Variants in MECOM observed in about 807,000 individuals in gnomAD.
MECOM encodes histone-lysine N-methyltransferase MECOM.
A neutral mutation model predicts 116.3 loss-of-function variants in MECOM; 13 were observed. The observed-to-expected ratio is 0.11, with a 90% CI of 0.07 to 0.18. The LOEUF (loss-of-function observed/expected upper bound fraction) is 0.18. Among genes scored for constraint, MECOM ranks in the 10% least tolerant of loss-of-function variants. The probability of loss-of-function intolerance (pLI) is 1.00; values close to 1 mark genes in which losing one functional copy is unlikely to be tolerated. For missense variants in MECOM, 1,299 were observed against 1,509.0 expected (o/e 0.86, Z 2.31); for synonymous variants, 528 against 535.2 (o/e 0.99, Z 0.19).
intron 2 of MECOM, among the ~76,000 whole-genome samples, chr3:169,338,140 TC>T (rs202079426): frequency 0.032 from 4,855 of 152,250 alleles, 118 homozygotes; most frequent in Non-Finnish European, 0.049. Context: ...CCTTATAGAC[TC>T]CCTCAGGATC....
chr3:169,108,005 T>C, intron 9 of MECOM, 53 bp from the exon 10 acceptor site: 1 of 1,438,254 alleles, frequency 7.0e-7, no homozygotes, highest in East Asian at 2.3e-5. Context: ...TTGGTATCTT[T>C]ATTGCAATCT....
intron 1 of MECOM, among the ~76,000 whole-genome samples, chr3:169,413,907 C>T (rs547981113): frequency 6.6e-6 from 1 of 152,320 alleles, no homozygotes; most frequent in Non-Finnish European, 1.5e-5. Flanking sequence ...ATAGGTAAAA[C>T]TTCCATCTTC....
intron 2 of MECOM, among the ~76,000 whole-genome samples, chr3:169,151,939 A>G (rs1322968273): frequency 6.6e-6 from 1 of 152,232 alleles, no homozygotes; most frequent in Non-Finnish European, 1.5e-5. Flanking sequence ...AAACTTTGTA[A>G]TGAAGCATGA....
intron 2 of MECOM, among the ~76,000 whole-genome samples, chr3:169,183,070 A>G (rs1746185265): frequency 6.6e-6 from 1 of 152,192 alleles, no homozygotes; most frequent in Non-Finnish European, 1.5e-5. Flanking sequence ...TGAAGATTAT[A>G]CTGTAGTACT....
rs1044693365 is a variant in MECOM at position 169,146,747 on chromosome 3, C to G, written c.376-2915G>C. 17 of 1,194,018 alleles carry G rather than the reference C, an allele frequency of 1.4e-5. 1 individual carries two copies. In the South Asian group the frequency reaches 2.3e-4, roughly 16 times the overall value. The allele number at this position is 1,194,018 out of a possible 1,614,324, so 74.0% of individuals were successfully genotyped here. On this transcript the variant is annotated intron_variant, in intron 2 of 16. Coordinates refer to ENST00000651503, the MANE Select transcript of MECOM (RefSeq NM_004991.4). Reference sequence around the variant, plus strand: ...CCTTTAGATTTCTATGGCCTCAACTCAGCAATAATAGGCATTCACAGAAGA... The same window carrying G: ...CCTTTAGATTTCTATGGCCTCAACTGAGCAATAATAGGCATTCACAGAAGA...
intron 2 of MECOM, among the ~76,000 whole-genome samples, chr3:169,275,363 T>G (rs1188658387): frequency 1.3e-5 from 2 of 152,232 alleles, no homozygotes; most frequent in African/African-American, 4.8e-5. Context: ...GGGTTAGATA[T>G]TTATACACAT....
At chr3:169,273,188 C>G (rs185163378) in intron 2 of MECOM, among the ~76,000 whole-genome samples, 12 of 152,300 alleles carry the variant, frequency 7.9e-5, no homozygotes, top group Non-Finnish European at 1.0e-4. Context: ...TCTATAACAT[C>G]CCTTTGCCAC....
At chr3:169,171,493 G>A (rs905934356) in intron 2 of MECOM, among the ~76,000 whole-genome samples, 6 of 152,026 alleles carry the variant, frequency 3.9e-5, no homozygotes, top group Non-Finnish European at 8.8e-5. Context: ...TTATGACAGA[G>A]TTATAAAGCT....
At chr3:169,473,291 T>A (rs139065066) in intron 1 of MECOM, among the ~76,000 whole-genome samples, 69 of 152,098 alleles carry the variant, frequency 4.5e-4, no homozygotes, top group African/African-American at 1.5e-3. Context: ...TTCATCCTAA[T>A]CCACAGGCTA....
At chr3:169,367,394 AT>A (rs977454875) in intron 2 of MECOM, among the ~76,000 whole-genome samples, 7 of 151,548 alleles carry the variant, frequency 4.6e-5, no homozygotes, top group African/African-American at 7.3e-5. Flanking sequence ...ACCTTAAACA[AT>A]TTTTTTTGTA....
At chr3:169,392,854 C>G (rs538155581) in intron 1 of MECOM, among the ~76,000 whole-genome samples, 3 of 152,256 alleles carry the variant, frequency 2.0e-5, no homozygotes, top group Non-Finnish European at 2.9e-5. Flanking sequence ...TTCTGAGTAT[C>G]ACTAAGCTCT....
intron 1 of MECOM, chr3:169,565,844 G>A (rs1763168682): frequency 8.1e-6 from 3 of 370,760 alleles, no homozygotes; most frequent in African/African-American, 4.3e-5. Flanking sequence ...AGGGAGTCAG[G>A]GAGGTTTGGC....
At chr3:169,632,778 G>A (rs1292758298) in intron 1 of MECOM, among the ~76,000 whole-genome samples, 2 of 152,292 alleles carry the variant, frequency 1.3e-5, no homozygotes, top group African/African-American at 4.8e-5. Context: ...TTATCCCAAA[G>A]GTCTTTATTT....
intron 15 of MECOM, 22 bp downstream of exon 15, chr3:169,089,978 T>C: frequency 6.2e-7 from 1 of 1,604,456 alleles, no homozygotes; most frequent in East Asian, 2.2e-5. Flanking sequence ...GCTTAGTTTC[T>C]AAAGTCACCC....
At chr3:169,477,101 GTGTGTATA>G (rs1217857254) in intron 1 of MECOM, 351 of 51,278 alleles carry the variant, frequency 6.8e-3, no homozygotes, top group Non-Finnish European at 9.7e-3. Flanking sequence ...GTGTGTGTGT[GTGTGTATA>G]TATATATATA....
intron 2 of MECOM, among the ~76,000 whole-genome samples, chr3:169,284,690 C>T (rs1001496046): frequency 2.0e-5 from 3 of 151,942 alleles, no homozygotes; most frequent in African/African-American, 7.3e-5. Flanking sequence ...TCTTATAATT[C>T]TCTTGTAAAA....
intron 1 of MECOM, among the ~76,000 whole-genome samples, chr3:169,461,403 C>A (rs985436021): frequency 6.6e-6 from 1 of 152,156 alleles, no homozygotes; most frequent in Non-Finnish European, 1.5e-5. Context: ...AAGCTGACAT[C>A]ATGGCAAAGT....
intron 1 of MECOM, among the ~76,000 whole-genome samples, chr3:169,540,204 C>G (rs1368138382): frequency 6.6e-6 from 1 of 152,144 alleles, no homozygotes. Flanking sequence ...TGTCTTTCTC[C>G]AATTCCTCTT....
chr3:169,218,591 C>G (rs1751712557), intron 2 of MECOM, among the ~76,000 whole-genome samples: 2 of 152,112 alleles, frequency 1.3e-5, no homozygotes, highest in South Asian at 4.2e-4. Flanking sequence ...CTCAGAAAAG[C>G]CTGTAACCTG....
Sources: gnomAD v4.1 joint callset for allele counts (sites outside exome capture counted in the v4.1 genomes callset) on GRCh38, gnomAD v4.1.1 for gene constraint, MANE v1.5 for transcripts, NCBI Gene and HGNC (gene_info 2026-07-23, HGNC 2026-07-21) for gene names.